The following CCDC171 variants were observed in gnomAD, a reference collection of about 807,000 sequenced individuals.
CCDC171 encodes coiled-coil domain containing 171.
In CCDC171, 177 loss-of-function variants were observed where a neutral mutation model predicts 168.2. The observed-to-expected ratio is 1.05, with a 90% CI of 0.93 to 1.19. The LOEUF (loss-of-function observed/expected upper bound fraction) is 1.19, where lower values mean the gene tolerates loss of function less well. CCDC171 is among the 50% of genes most tolerant of loss of function. The probability of loss-of-function intolerance (pLI) is 0.00; values close to 1 mark genes in which losing one functional copy is unlikely to be tolerated. For synonymous variants in CCDC171, 687 were observed against 540.8 expected (o/e 1.27, Z -3.75); for missense variants, 1,991 against 1,539.0 (o/e 1.29, Z -4.91).
intron 18 of CCDC171, among the ~76,000 whole-genome samples, chr9:15,773,703 A>G (rs74900107): frequency 6.6e-6 from 1 of 151,158 alleles, no homozygotes; most frequent in African/African-American, 2.4e-5. Flanking sequence ...TCACTAGAGG[A>G]TTTTTTTTTG....
intron 7 of CCDC171, among the ~76,000 whole-genome samples, chr9:15,656,433 C>G (rs912706586): frequency 2.6e-5 from 4 of 152,100 alleles, no homozygotes; most frequent in African/African-American, 4.8e-5. Flanking sequence ...GTCTTGCACA[C>G]AAATGCTCAT....
chr9:15,954,146 ACTTT>A lies in CCDC171; in HGVS notation c.3754-17458_3754-17455del, dbSNP rs1261615104. 4.6e-5 allele frequency among the ~76,000 whole-genome samples: 6 copies of A among 129,348 alleles called. No individual in the cohort carries two copies. In the South Asian group the frequency reaches 7.8e-4, roughly 17 times the overall value. 84.9% of individuals were successfully genotyped at this position (129,348 alleles called of 152,430 possible). On this transcript the variant is annotated intron_variant, in intron 25 of 25. Coordinates refer to ENST00000380701, the MANE Select transcript of CCDC171 (RefSeq NM_173550.4). ...TTGGTTTCATTGATTTCCTCTACTT[ACTTT>A]CTTTTTTTTTTTTTAGTCTTTATTT...
chr9:15,609,102 ATT>A (rs200680610), intron 6 of CCDC171, among the ~76,000 whole-genome samples: 4 of 143,364 alleles, frequency 2.8e-5, no homozygotes, highest in African/African-American at 2.5e-5. Flanking sequence ...ACAGTTTAAA[ATT>A]TTTTTTTTTT....
rs115958110 is a variant in CCDC171 at position 15,685,654 on chromosome 9, A to G, written c.1215+6758A>G. Among the ~76,000 whole-genome samples the G allele has an allele frequency of 7.3e-3, 1,118 of 152,124 alleles. 9 individuals are homozygous for G. Among genetic ancestry groups the G allele is most frequent in the African/African-American group, 0.026 (1,079 of 41,484 alleles). On this transcript the variant is annotated intron_variant, in intron 10 of 25. Coordinates refer to ENST00000380701, the MANE Select transcript of CCDC171 (RefSeq NM_173550.4). Reference sequence around the variant, plus strand: ...TGTCTCAAAAAAAAAGATAAATGCAACCACAATCCAGCATTTAAAAAACAA... The same window carrying G: ...TGTCTCAAAAAAAAAGATAAATGCAGCCACAATCCAGCATTTAAAAAACAA...
intron 3 of CCDC171, among the ~76,000 whole-genome samples, chr9:15,995,317 C>G (rs887516149): frequency 6.6e-6 from 1 of 152,206 alleles, no homozygotes; most frequent in Non-Finnish European, 1.5e-5. Flanking sequence ...CCAGTCCAGT[C>G]TCCTTACAGG....
chr9:15,615,215 AAATC>A (rs529391217), intron 6 of CCDC171, among the ~76,000 whole-genome samples: 126 of 152,318 alleles, frequency 8.3e-4, no homozygotes, highest in African/African-American at 2.9e-3. Flanking sequence ...TAACATTAGA[AAATC>A]AATCAATATA....
chr9:16,094,406 T>C, the CCDC171 span, among the ~76,000 whole-genome samples: 3 of 152,144 alleles, frequency 2.0e-5, no homozygotes, highest in Non-Finnish European at 4.4e-5. Flanking sequence ...GTGCTCGTTG[T>C]GTATCAAAGG....
rs2059658436 is a variant in CCDC171 at position 15,818,892 on chromosome 9, C to T, written c.3268-27810C>T. ...GAGCAACTCTGAGACACATAATTGTCAGATTCCCCAAAGTTGAAATGAAGG... is the reference window on the plus strand; with the variant it reads ...GAGCAACTCTGAGACACATAATTGTTAGATTCCCCAAAGTTGAAATGAAGG... On this transcript the variant is annotated intron_variant, in intron 21 of 25. Transcript: ENST00000380701. 3.4e-5 allele frequency among the ~76,000 whole-genome samples: 4 copies of T among 116,966 alleles called. 2 individuals carry two copies. The South Asian group carries it at 1.1e-3, about 33-fold the overall frequency. 76.7% of individuals were successfully genotyped at this position (116,966 alleles called of 152,430 possible).
chr9:15,929,095 A>G (rs1826213486), intron 25 of CCDC171, among the ~76,000 whole-genome samples: 1 of 151,416 alleles, frequency 6.6e-6, no homozygotes, highest in African/African-American at 2.4e-5. Context: ...GCATATCAGT[A>G]TAAACATTAA....
intron 1 of CCDC171, among the ~76,000 whole-genome samples, chr9:16,060,156 G>A (rs1183670108): frequency 6.6e-6 from 1 of 152,138 alleles, no homozygotes; most frequent in African/African-American, 2.4e-5. Flanking sequence ...CTCTCTGAAG[G>A]CTAGTGGCTG....
chr9:15,783,053 T>C (rs1336177261), intron 20 of CCDC171, among the ~76,000 whole-genome samples: 1 of 152,198 alleles, frequency 6.6e-6, no homozygotes, highest in Non-Finnish European at 1.5e-5. Flanking sequence ...AAATGCACTC[T>C]TAAATTTTTG....
intron 24 of CCDC171, chr9:15,887,776 C>A (rs2131430326): frequency 6.6e-6 from 1 of 151,232 alleles, no homozygotes; most frequent in African/African-American, 2.4e-5. Flanking sequence ...AACAAAGTAC[C>A]CTTTAAAAAA....
At chr9:15,581,672 C>A (rs1043575327) in intron 4 of CCDC171, among the ~76,000 whole-genome samples, 3 of 151,996 alleles carry the variant, frequency 2.0e-5, no homozygotes, top group East Asian at 1.9e-4. Flanking sequence ...CAAAAACAAG[C>A]AATGGGGAAA....
intron 24 of CCDC171, among the ~76,000 whole-genome samples, chr9:15,892,148 C>G (rs930273953): frequency 6.6e-6 from 1 of 152,150 alleles, no homozygotes; most frequent in African/African-American, 2.4e-5. Flanking sequence ...CTTCTGCAAA[C>G]AAAGATAATT....
intron 11 of CCDC171, among the ~76,000 whole-genome samples, chr9:15,717,458 G>A (rs116726683): frequency 6.3e-4 from 96 of 152,310 alleles, no homozygotes; most frequent in African/African-American, 2.2e-3. Flanking sequence ...TGGGCTCGGA[G>A]CCAGTGGACT....
intron 8 of CCDC171, among the ~76,000 whole-genome samples, chr9:15,658,255 A>G (rs530951001): frequency 6.6e-6 from 1 of 152,322 alleles, no homozygotes; most frequent in African/African-American, 2.4e-5. Flanking sequence ...CGTGCTAAGA[A>G]ACTTAGACTT....
At chr9:15,585,818 A>G (rs2041513172) in intron 4 of CCDC171, among the ~76,000 whole-genome samples, 2 of 152,076 alleles carry the variant, frequency 1.3e-5, no homozygotes, top group Admixed American at 6.6e-5. Flanking sequence ...TCTCTACTAA[A>G]AACAAAAACT....
chr9:15,865,845 C>CGTGTGTGT (rs1285086348), intron 23 of CCDC171, among the ~76,000 whole-genome samples: 3 of 60,782 alleles, frequency 4.9e-5, no homozygotes, highest in African/African-American at 1.2e-4. Flanking sequence ...TTCAACTCTG[C>CGTGTGTGT]GTGCGTGTGT....
intron 10 of CCDC171, among the ~76,000 whole-genome samples, chr9:15,683,377 C>G (rs1222418291): frequency 6.6e-6 from 1 of 151,840 alleles, no homozygotes; most frequent in Non-Finnish European, 1.5e-5. Context: ...TTCCAATGAA[C>G]TATTAGGTTT....
Sources: allele counts gnomAD v4.1 joint callset (sites outside exome capture counted in the v4.1 genomes callset), GRCh38; gene constraint gnomAD v4.1.1; transcripts MANE v1.5; gene names NCBI Gene and HGNC (gene_info 2026-07-23, HGNC 2026-07-21).